Variants in INPP5B observed in about 807,000 individuals in gnomAD.
INPP5B encodes the protein inositol polyphosphate-5-phosphatase B.
In INPP5B, 90 loss-of-function variants were observed where a neutral mutation model predicts 118.5. The ratio of observed to expected loss-of-function variants is 0.76; its 90% confidence interval spans 0.64 to 0.90. INPP5B has a LOEUF of 0.90. Ranked by LOEUF, INPP5B falls within the 40% of genes least tolerant of loss-of-function variation. The pLI, the probability that INPP5B is intolerant of heterozygous loss-of-function variation, is 0.00. For synonymous variants in INPP5B, 385 were observed against 418.9 expected (o/e 0.92, Z 0.99); for missense variants, 984 against 1,125.6 (o/e 0.87, Z 1.80).
intron 2 of INPP5B, 95 bp downstream of exon 2, chr1:37,946,157 G>A: frequency 8.5e-7 from 1 of 1,178,750 alleles, no homozygotes; most frequent in South Asian, 1.3e-5. Flanking sequence ...TGATGGTTCA[G>A]AGGGGCAGGA....
At chr1:37,903,553 C>G (rs1160181157) in intron 7 of INPP5B, among the ~76,000 whole-genome samples, 3 of 152,240 alleles carry the variant, frequency 2.0e-5, no homozygotes, top group Non-Finnish European at 4.4e-5. Flanking sequence ...GGTGAAACCC[C>G]GTCTCTACTA....
chr1:37,944,594 T>A (rs1293053256), intron 3 of INPP5B, among the ~76,000 whole-genome samples: 1 of 148,352 alleles, frequency 6.7e-6, no homozygotes, highest in Non-Finnish European at 1.5e-5. Context: ...GTTTTTTTTT[T>A]CTTGTTTTTT....
intron 13 of INPP5B, among the ~76,000 whole-genome samples, chr1:37,884,833 C>A (rs959555257): frequency 3.3e-5 from 5 of 152,050 alleles, no homozygotes; most frequent in African/African-American, 1.2e-4. Context: ...CACCTGTAGT[C>A]TCAGCTACTC....
intron 13 of INPP5B, 108 bp downstream of exon 13, chr1:37,885,530 A>T: frequency 1.1e-6 from 1 of 870,786 alleles, no homozygotes; most frequent in Non-Finnish European, 1.8e-6. Context: ...GGGAGCTACC[A>T]CCATTGCAGC....
chr1:37,875,469 C>T (rs1350188911), intron 17 of INPP5B, 137 bp downstream of exon 17: 10 of 596,660 alleles, frequency 1.7e-5, no homozygotes, highest in East Asian at 9.1e-5. Flanking sequence ...AGGGTTTCAC[C>T]GTGTTAGCCA....
chr1:37,943,965 G>A, intron 3 of INPP5B, 72 bp from the exon 4 acceptor site: 1 of 1,120,044 alleles, frequency 8.9e-7, no homozygotes, highest in Non-Finnish European at 1.4e-6. Context: ...GAGGTCTCGG[G>A]GTGCTCACAC....
Position 37,861,435 on chromosome 1 carries a change from A to C in INPP5B, c.*880T>G, listed in dbSNP as rs964475212. ...GTGAGTACAAGTACAGTTATTTAAA[A>C]ACATTTTAGGCCAGGCGTGGTGGTT... On this transcript the variant is annotated 3_prime_UTR_variant, in exon 24 of 24. Transcript: ENST00000373024. The C allele has an allele frequency of 6.6e-6, 1 of 152,312 alleles. No homozygotes were observed. Among genetic ancestry groups the C allele is most frequent in the Non-Finnish European group, 1.5e-5 (1 of 68,128 alleles). 9.4% of individuals were successfully genotyped at this position (152,312 alleles called of 1,614,324 possible). A position where few individuals can be genotyped will look rare whatever the true frequency, so the allele number is the denominator to read the frequency against.
rs777480295 is a variant in INPP5B at position 37,932,027 on chromosome 1, C to G, written c.418G>C (p.Glu140Gln). The G allele has an allele frequency of 6.2e-7, 1 of 1,602,510 alleles. No homozygotes were observed. The highest frequency in any genetic ancestry group is 2.2e-5 in the East Asian group (1 of 44,580). Residue 140 changes from glutamate to glutamine, a missense_variant, in exon 7 of 24, where the codon GAA (glutamate) becomes CAA (glutamine). Transcript: ENST00000373024. ...PGFDSATRDP[E>Q]FLWLSRYRCA... ...CTATACCGAGACAGCCACAGGAATTCAGGATCCCGGGTCGCAGAATCGAAG... is the reference window on the plus strand; with the variant it reads ...CTATACCGAGACAGCCACAGGAATTGAGGATCCCGGGTCGCAGAATCGAAG...
intron 7 of INPP5B, among the ~76,000 whole-genome samples, chr1:37,913,967 C>T (rs182659683): frequency 6.6e-6 from 1 of 152,104 alleles, no homozygotes; most frequent in Non-Finnish European, 1.5e-5. Context: ...TCTACCCCCC[C>T]ACTTAAGAAG....
intron 7 of INPP5B, among the ~76,000 whole-genome samples, chr1:37,917,346 A>G (rs541741777): frequency 7.5e-6 from 1 of 132,462 alleles, no homozygotes; most frequent in Non-Finnish European, 1.6e-5. Context: ...ATATTTGAGA[A>G]AGGGTCACGC....
chr1:37,931,226 G>C (rs1645444744), intron 7 of INPP5B: 5 of 350,264 alleles, frequency 1.4e-5, no homozygotes, highest in South Asian at 1.1e-4. Context: ...ATCATCACAG[G>C]GGCTGAGAAC....
intron 7 of INPP5B, among the ~76,000 whole-genome samples, chr1:37,894,821 C>T (rs1405231134): frequency 6.6e-6 from 1 of 152,166 alleles, no homozygotes; most frequent in Non-Finnish European, 1.5e-5. Flanking sequence ...GGATTACGGG[C>T]ATGAGCCACT....
At chr1:37,938,257 A>G in intron 6 of INPP5B, among the ~76,000 whole-genome samples, 1 of 147,334 alleles carries the variant, frequency 6.8e-6, no homozygotes, top group Middle Eastern at 3.2e-3. Flanking sequence ...CAACAGGGCG[A>G]GACTCTGTCT....
intron 6 of INPP5B, among the ~76,000 whole-genome samples, chr1:37,936,962 C>T (rs1012946638): frequency 1.3e-5 from 2 of 152,024 alleles, no homozygotes; most frequent in African/African-American, 2.4e-5. Flanking sequence ...CCTCAGTTTC[C>T]TCATCTATGA....
chr1:37,882,981 G>T, intron 13 of INPP5B, 63 bp from the exon 14 acceptor site: 1 of 1,585,986 alleles, frequency 6.3e-7, no homozygotes, highest in Non-Finnish European at 8.6e-7. Flanking sequence ...TCTACCCAGG[G>T]TGCTTCTGAC....
intron 20 of INPP5B, among the ~76,000 whole-genome samples, chr1:37,867,147 G>A (rs991324464): frequency 6.6e-6 from 1 of 152,212 alleles, no homozygotes; most frequent in African/African-American, 2.4e-5. Context: ...CAGGAGAATT[G>A]CTAGAGCCGG....
chr1:37,912,636 T>C (rs571152767), intron 7 of INPP5B, among the ~76,000 whole-genome samples: 8 of 152,310 alleles, frequency 5.3e-5, no homozygotes, highest in East Asian at 3.9e-4. Flanking sequence ...CTCCAAACCA[T>C]TGTAGCGGAT....
At chr1:37,938,299 A>AAATAAATAAATC (rs1553162617) in intron 6 of INPP5B, among the ~76,000 whole-genome samples, 6 of 149,782 alleles carry the variant, frequency 4.0e-5, no homozygotes, top group East Asian at 1.9e-4. Flanking sequence ...ATAAATAAAT[A>AAATAAATAAATC]AATAAAATTA....
intron 6 of INPP5B, among the ~76,000 whole-genome samples, chr1:37,939,570 G>A (rs145657888): frequency 0.015 from 2,209 of 149,104 alleles, 39 homozygotes; most frequent in African/African-American, 0.04. Flanking sequence ...TCAGCCTCCC[G>A]AGTAGCTGGG....
Sources: gnomAD v4.1 joint callset for allele counts (sites outside exome capture counted in the v4.1 genomes callset) on GRCh38, gnomAD v4.1.1 for gene constraint, MANE v1.5 for transcripts, NCBI Gene and HGNC (gene_info 2026-07-23, HGNC 2026-07-21) for gene names.